The following MOXD1 variants were observed in gnomAD, a reference collection of about 807,000 sequenced individuals.
MOXD1 encodes the protein DBH-like monooxygenase protein 1.
MOXD1 carries 62 observed loss-of-function variants against 66.6 expected under a neutral mutation model. The observed-to-expected ratio is 0.93, with a 90% CI of 0.76 to 1.15. The LOEUF is 1.15. MOXD1 is among the 50% of genes most tolerant of loss of function. The pLI, the probability that MOXD1 is intolerant of heterozygous loss-of-function variation, is 0.00. For missense variants in MOXD1, 847 were observed against 754.6 expected, an observed-to-expected ratio of 1.12 and a Z score of -1.44; for synonymous variants, 303 against 281.9, an observed-to-expected ratio of 1.07 and a Z score of -0.75.
intron 1 of MOXD1, among the ~76,000 whole-genome samples, chr6:132,395,458 A>G (rs1374185612): frequency 1.3e-5 from 2 of 152,160 alleles, no homozygotes; most frequent in Admixed American, 6.5e-5. Context: ...TAAGAGAGTA[A>G]GAAAGGAACA....
At chr6:132,364,856 G>A (rs1227710123) in intron 4 of MOXD1, among the ~76,000 whole-genome samples, 2 of 152,138 alleles carry the variant, frequency 1.3e-5, no homozygotes, top group African/African-American at 4.8e-5. Flanking sequence ...AAGGCTCAAG[G>A]AAGTTAAATT....
chr6:132,322,927 T>A lies in MOXD1; in HGVS notation c.1114-57A>T, dbSNP rs111415666. The A allele has an allele frequency of 2.3e-3, 3,325 of 1,440,810 alleles. 76 individuals are homozygous for A. The African/African-American group carries it at 0.042, about 18-fold the overall frequency. The allele number at this position is 1,440,810 out of a possible 1,614,324, so 89.3% of individuals were successfully genotyped here. On this transcript the variant is annotated intron_variant, in intron 7 of 11. Transcript: ENST00000367963. ...CCCACATTAATGCATGTTCAGACAG[T>A]TTACATTCAAACACACTTGGAGGGA...
chr6:132,397,474 T>TC (rs766981455), intron 1 of MOXD1, among the ~76,000 whole-genome samples: 1 of 152,134 alleles, frequency 6.6e-6, no homozygotes, highest in Non-Finnish European at 1.5e-5. Context: ...TCTCTCTGAG[T>TC]CCCAGATTAG....
At chr6:132,327,038 T>G (rs1394292309) in intron 6 of MOXD1, among the ~76,000 whole-genome samples, 1 of 152,188 alleles carries the variant, frequency 6.6e-6, no homozygotes, top group Non-Finnish European at 1.5e-5. Context: ...AGATCTTAGA[T>G]GGTCTGCTTC....
chr6:132,338,426 A>T (rs1000027647), intron 4 of MOXD1, among the ~76,000 whole-genome samples: 2 of 152,190 alleles, frequency 1.3e-5, no homozygotes. Context: ...GTGCCACAAA[A>T]TATACATTCC....
intron 1 of MOXD1, among the ~76,000 whole-genome samples, chr6:132,396,173 C>T (rs531685554): frequency 2.6e-5 from 4 of 152,072 alleles, no homozygotes; most frequent in Admixed American, 6.5e-5. Context: ...TTTAAAAAAT[C>T]GAAATCATAT....
At chr6:132,326,713 T>A (rs1775194883) in intron 6 of MOXD1, among the ~76,000 whole-genome samples, 2 of 152,174 alleles carry the variant, frequency 1.3e-5, no homozygotes, top group Admixed American at 1.3e-4. Flanking sequence ...GATTCATGGT[T>A]CAGAGTATGG....
At chr6:132,343,393 G>A (rs1775603749) in intron 4 of MOXD1, among the ~76,000 whole-genome samples, 1 of 152,116 alleles carries the variant, frequency 6.6e-6, no homozygotes, top group East Asian at 1.9e-4. Flanking sequence ...TGGCTAACAT[G>A]GTGAAACCCC....
At chr6:132,334,926 G>A (rs796796821) in intron 4 of MOXD1, among the ~76,000 whole-genome samples, 4 of 152,312 alleles carry the variant, frequency 2.6e-5, no homozygotes, top group African/African-American at 9.6e-5. Flanking sequence ...TACAGAGTGG[G>A]ATGAGACATA....
At chr6:132,345,070 T>A (rs1775644170) in intron 4 of MOXD1, among the ~76,000 whole-genome samples, 1 of 152,276 alleles carries the variant, frequency 6.6e-6, no homozygotes, top group Admixed American at 6.5e-5. Flanking sequence ...AGTGGGGCAA[T>A]GGGAACAAAT....
intron 1 of MOXD1, among the ~76,000 whole-genome samples, chr6:132,375,534 T>C (rs538242394): frequency 6.6e-6 from 1 of 152,294 alleles, no homozygotes; most frequent in South Asian, 2.1e-4. Context: ...CACGCCATTC[T>C]CCTGCCTCAG....
intron 10 of MOXD1, among the ~76,000 whole-genome samples, chr6:132,307,210 G>T (rs1345159511): frequency 6.6e-6 from 1 of 152,076 alleles, no homozygotes; most frequent in Non-Finnish European, 1.5e-5. Flanking sequence ...AAAAGCAGGG[G>T]TTGCAATCCT....
At chr6:132,332,949 GCTGGGTAA>G (rs926572564) in intron 4 of MOXD1, among the ~76,000 whole-genome samples, 56 of 152,270 alleles carry the variant, frequency 3.7e-4, no homozygotes, top group African/African-American at 1.3e-3. Context: ...TTTCTGATGT[GCTGGGTAA>G]CTGTCCACGG....
intron 9 of MOXD1, among the ~76,000 whole-genome samples, chr6:132,316,599 C>T (rs572667287): frequency 1.4e-4 from 22 of 151,936 alleles, no homozygotes; most frequent in East Asian, 3.9e-4. Flanking sequence ...GGTACCAAAA[C>T]GAAATAAAAA....
chr6:132,345,148 A>T (rs375562161), intron 4 of MOXD1, among the ~76,000 whole-genome samples: 3 of 152,200 alleles, frequency 2.0e-5, no homozygotes, highest in East Asian at 3.8e-4. Context: ...ATCTTGTGTC[A>T]TTTCCTACCC....
intron 4 of MOXD1, among the ~76,000 whole-genome samples, chr6:132,365,047 T>C (rs931956567): frequency 6.6e-6 from 1 of 152,194 alleles, no homozygotes; most frequent in Non-Finnish European, 1.5e-5. Context: ...AACCAGCTGT[T>C]CCCAAAACTT....
At chr6:132,374,486 T>TAA in intron 2 of MOXD1, 145 bp downstream of exon 2, 78 of 839,094 alleles carry the variant, frequency 9.3e-5, no homozygotes, top group Admixed American at 1.6e-4. Context: ...AAGAAAAAAC[T>TAA]AAAAAAAAAA....
intron 6 of MOXD1, among the ~76,000 whole-genome samples, chr6:132,326,716 G>A (rs984471982): frequency 6.6e-6 from 1 of 152,144 alleles, no homozygotes; most frequent in Admixed American, 6.6e-5. Flanking sequence ...TCATGGTTCA[G>A]AGTATGGGAT....
intron 1 of MOXD1, among the ~76,000 whole-genome samples, chr6:132,379,952 A>G (rs1457860843): frequency 6.6e-6 from 1 of 152,038 alleles, no homozygotes; most frequent in African/African-American, 2.4e-5. Context: ...AGTTTTCACC[A>G]CGTTGCCCAG....
Sources: gnomAD v4.1 joint callset for allele counts (sites outside exome capture counted in the v4.1 genomes callset) on GRCh38, gnomAD v4.1.1 for gene constraint, MANE v1.5 for transcripts, NCBI Gene and HGNC (gene_info 2026-07-23, HGNC 2026-07-21) for gene names.